Variants in CNTNAP5 observed in about 807,000 individuals in gnomAD.
CNTNAP5 encodes the protein contactin associated protein family member 5.
A neutral mutation model predicts 150.2 loss-of-function variants in CNTNAP5; 72 were observed. The ratio of observed to expected loss-of-function variants is 0.48; its 90% CI spans 0.40 to 0.58. CNTNAP5 has a LOEUF of 0.58. Ranked by LOEUF, CNTNAP5 falls within the 20% of genes least tolerant of loss-of-function variation. The probability of loss-of-function intolerance (pLI) is 0.00; values close to 1 mark genes in which losing one functional copy is unlikely to be tolerated. For synonymous variants in CNTNAP5, 672 were observed against 619.8 expected (o/e 1.08, Z -1.25); for missense variants, 1,636 against 1,626.2 (o/e 1.01, Z -0.10).
intron 1 of CNTNAP5, among the ~76,000 whole-genome samples, chr2:124,159,407 A>G (rs1684621440): frequency 1.3e-5 from 2 of 152,230 alleles, no homozygotes; most frequent in African/African-American, 4.8e-5. Context: ...GACAATATGT[A>G]AATGAATGAG....
Position 124,176,964 on chromosome 2 carries a change from C to T in CNTNAP5, c.83-44741C>T, listed in dbSNP as rs1315872645. 2.6e-5 allele frequency among the ~76,000 whole-genome samples: 4 copies of T among 150,976 alleles called. No homozygotes were observed. In the East Asian group the frequency reaches 7.8e-4, roughly 29 times the overall value. On this transcript the variant is annotated intron_variant, in intron 1 of 23. Coordinates refer to ENST00000682447, the MANE Select transcript of CNTNAP5 (RefSeq NM_001367498.1). ...GGTTCAAGCAATTATCTTGCCTCAG[C>T]CTCCCAAACAGCTGGAACGACAGGC...
chr2:124,647,893 G>A lies in CNTNAP5; in HGVS notation c.2012G>A (p.Gly671Asp), dbSNP rs1678239669. The A allele has an allele frequency of 6.2e-7, 1 of 1,611,802 alleles. No individual in the cohort carries two copies. Among genetic ancestry groups the A allele is most frequent in the Non-Finnish European group, 8.5e-7 (1 of 1,179,110 alleles). The change falls in exon 13 of 24, where the codon GGC (glycine) becomes GAC (aspartate). Residue 671 changes from glycine (G) to aspartate (D), a missense_variant. Gly to Asp is a moderately conservative substitution (Grantham distance 94). Transcript: ENST00000682447. Reference protein sequence around the residue: ...SMEQLEAVIDGSEHCEQEVAY... With the variant: ...SMEQLEAVIDDSEHCEQEVAY... ...GAACAGCTGGAGGCCGTGATCGACG[G>A]CTCTGAGCACTGTGAGCAGGAGGTG...
intron 19 of CNTNAP5, among the ~76,000 whole-genome samples, chr2:124,801,155 A>G (rs1353824845): frequency 6.6e-6 from 1 of 152,164 alleles, no homozygotes; most frequent in Non-Finnish European, 1.5e-5. Flanking sequence ...AGATACAACT[A>G]AGATATGTGC....
At chr2:124,689,029 G>T (rs1015388052) in intron 13 of CNTNAP5, among the ~76,000 whole-genome samples, 1 of 152,104 alleles carries the variant, frequency 6.6e-6, no homozygotes, top group Non-Finnish European at 1.5e-5. Context: ...AGTCAGATTG[G>T]TCTTCTTAAA....
chr2:124,031,089 TAGAATA>T (rs1361986673), intron 1 of CNTNAP5, among the ~76,000 whole-genome samples: 1 of 22,520 alleles, frequency 4.4e-5, no homozygotes, highest in Non-Finnish European at 8.3e-5. Flanking sequence ...CTGCTTGGTC[TAGAATA>T]CCCTTTTTCT....
chr2:124,200,770 T>C (rs1685710736), intron 1 of CNTNAP5, among the ~76,000 whole-genome samples: 1 of 152,194 alleles, frequency 6.6e-6, no homozygotes, highest in Admixed American at 6.5e-5. Flanking sequence ...TATCCTGAAA[T>C]CCCAGTCCAG....
At chr2:124,894,687 G>A (rs915554918) in intron 21 of CNTNAP5, among the ~76,000 whole-genome samples, 2 of 150,980 alleles carry the variant, frequency 1.3e-5, no homozygotes, top group African/African-American at 2.5e-5. Context: ...CTGAGTAGCT[G>A]GGACTACAGA....
At chr2:124,192,472 C>T (rs546445329) in intron 1 of CNTNAP5, among the ~76,000 whole-genome samples, 2 of 152,262 alleles carry the variant, frequency 1.3e-5, no homozygotes, top group Non-Finnish European at 2.9e-5. Flanking sequence ...AGGACAGTAT[C>T]TTAACTCTAT....
At chr2:124,727,877 C>G (rs940651660) in intron 13 of CNTNAP5, among the ~76,000 whole-genome samples, 3 of 141,300 alleles carry the variant, frequency 2.1e-5, no homozygotes, top group Non-Finnish European at 3.1e-5. Context: ...GCATCCTTTC[C>G]TTGTTCCTAA....
At chr2:124,408,288 G>C (rs1304723528) in intron 3 of CNTNAP5, among the ~76,000 whole-genome samples, 5 of 152,054 alleles carry the variant, frequency 3.3e-5, no homozygotes, top group Non-Finnish European at 5.9e-5. Flanking sequence ...AAACTGCAAG[G>C]CCGCAGCGAG....
intron 3 of CNTNAP5, among the ~76,000 whole-genome samples, chr2:124,415,420 G>A (rs763964100): frequency 5.9e-5 from 9 of 152,294 alleles, no homozygotes; most frequent in African/African-American, 1.4e-4. Context: ...TGTTTTGTGC[G>A]TAGTAGAAAT....
chr2:124,725,437 CTCCCCTTCCCCTTCCCCTTCCTCT>C (rs1262842981), intron 13 of CNTNAP5, among the ~76,000 whole-genome samples: 1 of 150,712 alleles, frequency 6.6e-6, no homozygotes, highest in Admixed American at 6.6e-5. Context: ...CCTCCCTTTA[CTCCCCTTCCCCTTCCCCTTCCTCT>C]TCCCCTTCCC....
intron 13 of CNTNAP5, among the ~76,000 whole-genome samples, chr2:124,684,415 G>C (rs35267099): frequency 1.3e-5 from 2 of 152,132 alleles, no homozygotes; most frequent in East Asian, 3.8e-4. Flanking sequence ...AGTTTCTATT[G>C]AACACTAGCT....
chr2:124,232,997 T>C (rs1160412340), intron 2 of CNTNAP5, among the ~76,000 whole-genome samples: 1 of 151,870 alleles, frequency 6.6e-6, no homozygotes. Context: ...TATAATACTT[T>C]ATTAAGCTGA....
intron 1 of CNTNAP5, among the ~76,000 whole-genome samples, chr2:124,073,196 G>A (rs1244164116): frequency 1.3e-5 from 2 of 151,850 alleles, no homozygotes; most frequent in Admixed American, 6.6e-5. Context: ...CTCACCATAC[G>A]CAAAAAATCC....
chr2:124,654,527 T>G (rs1050888580), intron 13 of CNTNAP5, among the ~76,000 whole-genome samples: 10 of 152,092 alleles, frequency 6.6e-5, no homozygotes, highest in African/African-American at 2.4e-4. Flanking sequence ...TTGGATCCCC[T>G]CTGATTCATG....
intron 1 of CNTNAP5, among the ~76,000 whole-genome samples, chr2:124,117,413 C>T (rs888198549): frequency 6.6e-5 from 10 of 152,092 alleles, no homozygotes; most frequent in African/African-American, 2.4e-4. Flanking sequence ...TAGAGCAGTA[C>T]AAGGCATATA....
At position 124,434,510 on chromosome 2, in the gene CNTNAP5, C is replaced by T. The variant is rs1346306826; in HGVS notation, c.556C>T (p.Arg186Ter). The change falls in exon 5 of 24, where the codon CGA becomes TGA. Residue 186 changes from arginine to a stop codon, truncating the protein, a stop_gained. Coordinates refer to ENST00000682447, the MANE Select transcript of CNTNAP5 (RefSeq NM_001367498.1). LOFTEE classifies it high-confidence loss of function. ...ATCAGATGTTGCTGACTTTGATGGCCGAAGCTCACTTCTGTACAGGTTCAA... is the reference window on the plus strand; with the variant it reads ...ATCAGATGTTGCTGACTTTGATGGCTGAAGCTCACTTCTGTACAGGTTCAA... ...YKSDVADFDG[R>*]SSLLYRFNQK... 12 of 1,613,716 alleles carry T rather than the reference C, an allele frequency of 7.4e-6. No homozygotes were observed. The highest frequency in any genetic ancestry group is 1.6e-4 in the Middle Eastern group (1 of 6,084).
intron 1 of CNTNAP5, among the ~76,000 whole-genome samples, chr2:124,115,182 G>A (rs1482016971): frequency 6.6e-6 from 1 of 152,030 alleles, no homozygotes; most frequent in Non-Finnish European, 1.5e-5. Flanking sequence ...ATATAGAAAT[G>A]TGCAAAAATC....
Sources: gnomAD v4.1 joint callset for allele counts (sites outside exome capture counted in the v4.1 genomes callset) on GRCh38, gnomAD v4.1.1 for gene constraint, MANE v1.5 for transcripts, NCBI Gene and HGNC (gene_info 2026-07-23, HGNC 2026-07-21) for gene names.